Variants in ITPK1 observed in about 807,000 individuals in gnomAD.
The protein encoded by ITPK1 is inositol 1,3,4-trisphosphate 5/6-kinase.
In ITPK1, 21 loss-of-function variants were observed where a neutral mutation model predicts 45.3. The observed-to-expected ratio is 0.46, with a 90% CI of 0.33 to 0.67. The LOEUF is 0.67. Among genes scored for constraint, ITPK1 ranks in the 30% least tolerant of loss-of-function variants. The pLI, the probability that ITPK1 is intolerant of heterozygous loss-of-function variation, is 0.02. For synonymous variants in ITPK1, 258 were observed against 253.6 expected (o/e 1.02, Z -0.16); for missense variants, 474 against 573.5 (o/e 0.83, Z 1.77).
chr14:93,056,110 G>C (rs915044314), intron 3 of ITPK1, among the ~76,000 whole-genome samples: 1 of 152,218 alleles, frequency 6.6e-6, no homozygotes, highest in African/African-American at 2.4e-5. Flanking sequence ...AAGATGTCCA[G>C]AGTTCCCCAG....
At chr14:93,007,012 C>T (rs755850615) in intron 4 of ITPK1, among the ~76,000 whole-genome samples, 1 of 152,206 alleles carries the variant, frequency 6.6e-6, no homozygotes, top group African/African-American at 2.4e-5. Context: ...GTCCTCTAGG[C>T]GACCAGGGAA....
intron 2 of ITPK1, among the ~76,000 whole-genome samples, chr14:93,087,855 G>A (rs1210423664): frequency 6.6e-6 from 1 of 152,254 alleles, no homozygotes; most frequent in Non-Finnish European, 1.5e-5. Flanking sequence ...GGGGCACTGG[G>A]TACAGCCCAG....
intron 4 of ITPK1, among the ~76,000 whole-genome samples, chr14:93,001,830 C>T (rs7145209): frequency 0.019 from 2,849 of 152,330 alleles, 95 homozygotes; most frequent in African/African-American, 0.065. Flanking sequence ...GGCCACAAGG[C>T]CTGGCCTTTC....
chr14:92,941,673 G>A lies in ITPK1; in HGVS notation c.1133C>T (p.Ala378Val), dbSNP rs772373810. Residue 378 changes from alanine to valine, a missense_variant, in exon 11 of 11, where the codon GCG becomes GTG. Physicochemically the swap from Ala to Val is moderately conservative, Grantham distance 64. Coordinates refer to ENST00000267615, the MANE Select transcript of ITPK1 (RefSeq NM_014216.6). ...QDAPWKAEAD[A>V]GGTAKLPHQR... ...GTGCGGCAGCTTGGCGGTGCCGCCC[G>A]CGTCGGCCTCAGCCTTCCAGGGCGC... 191 of 1,541,992 alleles carry A rather than the reference G, an allele frequency of 1.2e-4. 1 individual carries two copies. Among genetic ancestry groups the A allele is most frequent in the South Asian group, 3.3e-4 (28 of 84,226 alleles).
At chr14:93,048,849 T>A (rs1167381564) in intron 3 of ITPK1, among the ~76,000 whole-genome samples, 1 of 152,140 alleles carries the variant, frequency 6.6e-6, no homozygotes, top group East Asian at 1.9e-4. Flanking sequence ...CTCAGGAGAC[T>A]GAGGCACAAG....
At chr14:93,052,771 C>T (rs889509269) in intron 3 of ITPK1, among the ~76,000 whole-genome samples, 1 of 152,190 alleles carries the variant, frequency 6.6e-6, no homozygotes, top group Non-Finnish European at 1.5e-5. Flanking sequence ...CATCTCCCAT[C>T]CCAGGGTTCA....
intron 3 of ITPK1, among the ~76,000 whole-genome samples, chr14:93,031,517 T>C (rs770325400): frequency 6.6e-6 from 1 of 152,216 alleles, no homozygotes; most frequent in African/African-American, 2.4e-5. Context: ...GAAACCATGA[T>C]GCTTCGAAGA....
intron 2 of ITPK1, 123 bp downstream of exon 2, chr14:93,114,946 G>A: frequency 7.6e-6 from 4 of 527,280 alleles, no homozygotes; most frequent in Non-Finnish European, 1.3e-5. Context: ...CTCCCCGCGC[G>A]CCGCTTCTTC....
Position 93,076,161 on chromosome 14 carries a change from C to T in ITPK1, c.120+434G>A, listed in dbSNP as rs533495303. Among the ~76,000 whole-genome samples, 1 of 152,100 alleles carries T rather than the reference C, an allele frequency of 6.6e-6. No homozygotes were observed. The highest frequency in any genetic ancestry group is 2.4e-5 in the African/African-American group (1 of 41,462). On this transcript the variant is annotated intron_variant, in intron 3 of 10. Coordinates refer to ENST00000267615, the MANE Select transcript of ITPK1 (RefSeq NM_014216.6). This position sits in a 1 kb window ranked among gnomAD's most constrained non-coding sequence, Gnocchi z 4.3. The stretch of plus-strand genomic sequence containing the variant: ...CTCCCTCCAAGATCCTTCCTTCCCC[C>T]TCCATCCATTCTTCCTTCTTCTTCC...
chr14:93,104,334 C>T (rs1461257287), intron 2 of ITPK1, among the ~76,000 whole-genome samples: 3 of 152,086 alleles, frequency 2.0e-5, no homozygotes, highest in Non-Finnish European at 4.4e-5. Flanking sequence ...ACTAAAAATA[C>T]AAAAATTTGC....
rs950067688 is a variant in ITPK1 at position 93,036,739 on chromosome 14, C to T, written c.121-19938G>A. On this transcript the variant is annotated intron_variant, in intron 3 of 10. Transcript: ENST00000267615. This position sits in a 1 kb window ranked among gnomAD's most constrained non-coding sequence, Gnocchi z 4.1. ...CATTCTCTCCCACTCATCTCAATAC[C>T]GCAGGGGAGGATGCAGCCCCCAGAA... The T allele has an allele frequency of 6.6e-6, 1 of 152,348 alleles. No homozygotes were observed. Among genetic ancestry groups the T allele is most frequent in the African/African-American group, 2.4e-5 (1 of 41,426 alleles). The allele number at this position is 152,348 out of a possible 1,614,324, so 9.4% of individuals were successfully genotyped here.
chr14:92,976,321 C>T (rs1217418948), intron 5 of ITPK1, among the ~76,000 whole-genome samples: 1 of 152,188 alleles, frequency 6.6e-6, no homozygotes, highest in African/African-American at 2.4e-5. Flanking sequence ...CCTAGAGCCT[C>T]ACAGATAAAT....
At chr14:93,080,690 T>C (rs1891399522) in intron 2 of ITPK1, among the ~76,000 whole-genome samples, 1 of 152,178 alleles carries the variant, frequency 6.6e-6, no homozygotes, top group African/African-American at 2.4e-5. Flanking sequence ...TTTTCTACAA[T>C]GAACATATAC....
intron 4 of ITPK1, among the ~76,000 whole-genome samples, chr14:93,004,814 CCTG>C (rs1041966259): frequency 6.7e-6 from 1 of 149,096 alleles, no homozygotes; most frequent in Admixed American, 6.8e-5. Flanking sequence ...TGGGGAGGAG[CCTG>C]CTGAGGTTGG....
At position 92,993,806 on chromosome 14, in the gene ITPK1, A is replaced by C. The variant is rs1354920149; in HGVS notation, c.364+74T>G. 6 of 905,162 alleles carry C rather than the reference A, an allele frequency of 6.6e-6. No homozygotes were observed. In the East Asian group the frequency reaches 1.5e-4, roughly 22 times the overall value. 56.1% of individuals were successfully genotyped at this position (905,162 alleles called of 1,614,324 possible). A position where few individuals can be genotyped will look rare whatever the true frequency, so the allele number is the denominator to read the frequency against. On this transcript the variant is annotated intron_variant, in intron 5 of 10. Coordinates refer to ENST00000267615, the MANE Select transcript of ITPK1 (RefSeq NM_014216.6). ...AAAGACAAGACCCCTCTGTCTCCAC[A>C]CCTCAGGCCGTGGCCACTTTGTGAC...
chr14:93,041,975 C>T (rs973007635), intron 3 of ITPK1, among the ~76,000 whole-genome samples: 2 of 152,174 alleles, frequency 1.3e-5, no homozygotes, highest in South Asian at 2.1e-4. Context: ...GTGTCCCCCG[C>T]GGTGTCTAAT....
chr14:93,067,386 A>G (rs1890803618), intron 3 of ITPK1: 1 of 151,168 alleles, frequency 6.6e-6, no homozygotes, highest in Admixed American at 6.6e-5. Flanking sequence ...CTGCCCTGGC[A>G]GAGCTCTGTT....
chr14:92,956,128 T>G (rs1326855243), intron 8 of ITPK1, among the ~76,000 whole-genome samples: 1 of 151,786 alleles, frequency 6.6e-6, no homozygotes, highest in Admixed American at 6.6e-5. Flanking sequence ...CTGCTTTTTT[T>G]TTTTTTTTTA....
At chr14:93,053,269 G>C (rs148526070) in intron 3 of ITPK1, among the ~76,000 whole-genome samples, 1 of 152,266 alleles carries the variant, frequency 6.6e-6, no homozygotes, top group Non-Finnish European at 1.5e-5. Context: ...CTGGTTCAGA[G>C]ACCCTGGGAA....
Sources: gnomAD v4.1 joint callset for allele counts (sites outside exome capture counted in the v4.1 genomes callset) on GRCh38, gnomAD v4.1.1 for gene constraint, Gnocchi (gnomAD v3.1) non-coding constraint, MANE v1.5 for transcripts, NCBI Gene and HGNC (gene_info 2026-07-23, HGNC 2026-07-21) for gene names.